Variants in NDST1 observed in about 807,000 individuals in gnomAD.
The protein encoded by NDST1 is N-deacetylase and N-sulfotransferase 1, also known as bifunctional heparan sulfate N-deacetylase/N-sulfotransferase 1.
Under a neutral mutation model 92.8 loss-of-function variants are expected in NDST1, and 35 were observed. The observed-to-expected ratio is 0.38, with a 90% CI of 0.29 to 0.50. The LOEUF (loss-of-function observed/expected upper bound fraction) is 0.50. NDST1 is among the 20% of genes least tolerant of loss of function. The pLI, the probability that NDST1 is intolerant of heterozygous loss-of-function variation, is 0.94. For missense variants in NDST1, 822 were observed against 1,182.7 expected, an observed-to-expected ratio of 0.69 and a Z score of 4.47; for synonymous variants, 493 against 500.3, an observed-to-expected ratio of 0.99 and a Z score of 0.19.
intron 6 of NDST1, among the ~76,000 whole-genome samples, chr5:150,536,187 T>A (rs1451472023): frequency 1.3e-5 from 2 of 152,204 alleles, no homozygotes; most frequent in Non-Finnish European, 2.9e-5. Flanking sequence ...TTTTTGCTGA[T>A]TAAAAATTTT....
chr5:150,528,395 C>T (rs1754566598), intron 3 of NDST1, 97 bp downstream of exon 3: 2 of 1,372,770 alleles, frequency 1.5e-6, no homozygotes, highest in East Asian at 2.4e-5. Context: ...CTGCATCTCC[C>T]CTATGCTGGG....
chr5:150,506,693 C>T (rs1214701729), upstream of NDST1, among the ~76,000 whole-genome samples: 1 of 152,144 alleles, frequency 6.6e-6, no homozygotes, highest in Non-Finnish European at 1.5e-5. Context: ...CTCTCCCCAC[C>T]TTCTGCCCCC....
chr5:150,511,579 T>C (rs763471802), intron 1 of NDST1, among the ~76,000 whole-genome samples: 36 of 152,090 alleles, frequency 2.4e-4, no homozygotes, highest in Non-Finnish European at 4.4e-4. Context: ...TGGGTCTCAG[T>C]GTCCCCAGGG....
At chr5:150,498,343 T>C (rs1304952481) in intron 1 of NDST1, 1 of 152,268 alleles carries the variant, frequency 6.6e-6, no homozygotes, top group Non-Finnish European at 1.5e-5. Context: ...GTAAAGGACT[T>C]ACCTCGTGCT....
At chr5:150,536,383 G>A (rs1045824287) in intron 6 of NDST1, among the ~76,000 whole-genome samples, 2 of 151,914 alleles carry the variant, frequency 1.3e-5, no homozygotes, top group African/African-American at 4.8e-5. Context: ...GTGCATGCCT[G>A]TAGTCCCAGC....
chr5:150,523,619 C>T (rs1348188510), intron 2 of NDST1, among the ~76,000 whole-genome samples: 1 of 152,220 alleles, frequency 6.6e-6, no homozygotes, highest in East Asian at 1.9e-4. Context: ...AGTCCAGGAG[C>T]CTCACATACC....
chr5:150,557,335 CTCTT>C lies in NDST1; in HGVS notation c.*4007_*4010del, dbSNP rs1468538901. On this transcript the variant is annotated 3_prime_UTR_variant, in exon 15 of 15. Transcript: ENST00000261797. This position sits in a 1 kb window ranked among gnomAD's most constrained non-coding sequence, Gnocchi z 4.7. ...GGCACCAAACACATCATATGTCTCTCTCTTTCTATTTTGGGGTCCCAGGGTTTTC... is the reference window on the plus strand; with the variant it reads ...GGCACCAAACACATCATATGTCTCTCTCTATTTTGGGGTCCCAGGGTTTTC... 1 of 152,694 alleles carries C rather than the reference CTCTT, an allele frequency of 6.5e-6. No individual in the cohort carries two copies. The highest frequency in any genetic ancestry group is 1.5e-5 in the Non-Finnish European group (1 of 68,086). 9.5% of individuals were successfully genotyped at this position (152,694 alleles called of 1,614,324 possible).
At chr5:150,511,302 A>T (rs1427160302) in intron 1 of NDST1, among the ~76,000 whole-genome samples, 1 of 152,178 alleles carries the variant, frequency 6.6e-6, no homozygotes, top group African/African-American at 2.4e-5. Flanking sequence ...TGGGTAGGAG[A>T]TGGCTTGTGC....
chr5:150,531,457 T>C lies in NDST1; in HGVS notation c.1009-1488T>C, dbSNP rs183357621. On this transcript the variant is annotated intron_variant, in intron 3 of 14. Coordinates refer to ENST00000261797, the MANE Select transcript of NDST1 (RefSeq NM_001543.5). ...GCCAGGACTTTTAGTTTGTAAAGTG[T>C]TCTGATAGCTGGCTCTTACAGGTTT... 3.6e-3 allele frequency among the ~76,000 whole-genome samples: 545 copies of C among 152,098 alleles called. 5 individuals are homozygous for C. The highest frequency in any genetic ancestry group is 0.012 in the African/African-American group (516 of 41,514).
Position 150,534,855 on chromosome 5 carries a change from G to A in NDST1, c.1097-12G>A. 2 of 1,614,280 alleles carry A rather than the reference G, an allele frequency of 1.2e-6. No homozygotes were observed. Among genetic ancestry groups the A allele is most frequent in the Non-Finnish European group, 1.7e-6 (2 of 1,180,048 alleles). On this transcript the variant is annotated splice_polypyrimidine_tract_variant and intron_variant, in intron 4 of 14. Transcript: ENST00000261797. ...CCCAGTGGGTGGTTCTGAGCTGCCT[G>A]TGTTGCTGCAGGTACCAATGCTGAG...
At chr5:150,515,933 C>G (rs936183869) in intron 1 of NDST1, among the ~76,000 whole-genome samples, 1 of 152,116 alleles carries the variant, frequency 6.6e-6, no homozygotes, top group Non-Finnish European at 1.5e-5. Flanking sequence ...GAGTGGCTGG[C>G]ACTTTGCTAC....
chr5:150,528,329 C>T, intron 3 of NDST1, 31 bp downstream of exon 3: 2 of 1,556,184 alleles, frequency 1.3e-6, no homozygotes, highest in Non-Finnish European at 1.7e-6. Flanking sequence ...CCGGGCAAGG[C>T]AGGTGGGGCC....
chr5:150,522,150 C>T (rs747922510), intron 2 of NDST1, among the ~76,000 whole-genome samples: 20 of 152,182 alleles, frequency 1.3e-4, no homozygotes, highest in Middle Eastern at 6.8e-3. Flanking sequence ...ACCAAGGCTC[C>T]GGGTGTTAAG....
chr5:150,533,150 A>G (rs776020078), intron 4 of NDST1, 118 bp downstream of exon 4: 88 of 1,008,448 alleles, frequency 8.7e-5, no homozygotes, highest in Non-Finnish European at 1.3e-4. Flanking sequence ...TTAGAGGCAG[A>G]GGTGACCCCT....
intron 2 of NDST1, among the ~76,000 whole-genome samples, chr5:150,524,030 G>T (rs1754359644): frequency 6.6e-6 from 1 of 152,182 alleles, no homozygotes; most frequent in Non-Finnish European, 1.5e-5. Context: ...TTGTCTGTGG[G>T]CTCCAGGGAT....
At chr5:150,532,881 A>T in intron 3 of NDST1, 64 bp from the exon 4 acceptor site, 3 of 1,437,610 alleles carry the variant, frequency 2.1e-6, no homozygotes, top group Non-Finnish European at 2.9e-6. Context: ...CACTGCCCTC[A>T]GTGGGAAAAG....
chr5:150,520,666 TCATATTATTTATTGTCTGCCC>T (rs937234492), intron 1 of NDST1, among the ~76,000 whole-genome samples, 181 bp from the exon 2 acceptor site: 3 of 152,210 alleles, frequency 2.0e-5, no homozygotes. Flanking sequence ...TGAGATGGGT[TCATATTATTTATTGTCTGCCC>T]CATTTTACAA....
At chr5:150,516,705 G>A (rs1753982607) in intron 1 of NDST1, among the ~76,000 whole-genome samples, 1 of 152,094 alleles carries the variant, frequency 6.6e-6, no homozygotes, top group Non-Finnish European at 1.5e-5. Context: ...TCGCTCTATT[G>A]CCCAGGCTGG....
At chr5:150,516,590 A>G (rs1244040572) in intron 1 of NDST1, among the ~76,000 whole-genome samples, 1 of 152,152 alleles carries the variant, frequency 6.6e-6, no homozygotes, top group African/African-American at 2.4e-5. Flanking sequence ...TGCACGTGTA[A>G]CCAGTAGGGT....
Sources: gnomAD v4.1 joint callset for allele counts (sites outside exome capture counted in the v4.1 genomes callset) on GRCh38, gnomAD v4.1.1 for gene constraint, Gnocchi (gnomAD v3.1) non-coding constraint, MANE v1.5 for transcripts, NCBI Gene and HGNC (gene_info 2026-07-23, HGNC 2026-07-21) for gene names.